The following SGCD variants were observed in gnomAD, a reference collection of about 807,000 sequenced individuals.
SGCD encodes delta-sarcoglycan.
Under a neutral mutation model 36.6 loss-of-function variants are expected in SGCD, and 18 were observed. That is an observed-to-expected ratio of 0.49 (90% CI 0.34 to 0.73). The LOEUF is 0.73. Ranked by LOEUF, SGCD falls within the 30% of genes least tolerant of loss-of-function variation. The pLI is 0.01. For synonymous variants in SGCD, 133 were observed against 130.6 expected (o/e 1.02, Z -0.12); for missense variants, 387 against 346.7 (o/e 1.12, Z -0.92).
At chr5:156,579,385 TC>T (rs1408964617) in intron 4 of SGCD, among the ~76,000 whole-genome samples, 1 of 152,210 alleles carries the variant, frequency 6.6e-6, no homozygotes, top group Non-Finnish European at 1.5e-5. Context: ...GAATGTATAT[TC>T]TGTTGATTTG....
At chr5:156,405,257 C>T (rs564828140) in intron 3 of SGCD, among the ~76,000 whole-genome samples, 152 of 152,312 alleles carry the variant, frequency 1.0e-3, no homozygotes, top group Admixed American at 2.1e-3. Context: ...AATTCTCTGT[C>T]TGGGCTTCTG....
chr5:155,780,106 AT>A, the SGCD span, among the ~76,000 whole-genome samples: 1 of 151,244 alleles, frequency 6.6e-6, no homozygotes, highest in Non-Finnish European at 1.5e-5. Context: ...TGATACGTCC[AT>A]TTTTTTTTCT....
chr5:156,241,251 CGTGTGTGTGT>C (rs60843726), intron 3 of SGCD, among the ~76,000 whole-genome samples: 18 of 145,180 alleles, frequency 1.2e-4, no homozygotes, highest in South Asian at 6.7e-4. Context: ...TAGACCAAAA[CGTGTGTGTGT>C]GTGTGTGTGT....
chr5:155,897,191 C>A (rs1015507433), intron 1 of SGCD, among the ~76,000 whole-genome samples: 37 of 152,206 alleles, frequency 2.4e-4, no homozygotes, highest in African/African-American at 8.9e-4. Flanking sequence ...TGCTTCCAGG[C>A]TGCAAACCTG....
At chr5:156,730,944 G>A (rs1217330339) in intron 7 of SGCD, among the ~76,000 whole-genome samples, 5 of 151,934 alleles carry the variant, frequency 3.3e-5, no homozygotes, top group Non-Finnish European at 5.9e-5. Context: ...TAGCCATTCC[G>A]ACTGGTGTGA....
chr5:156,623,886 G>A (rs140123777), intron 6 of SGCD, among the ~76,000 whole-genome samples: 1 of 152,306 alleles, frequency 6.6e-6, no homozygotes, highest in East Asian at 1.9e-4. Flanking sequence ...TCAACTGTAT[G>A]TTTAATGAGG....
chr5:156,197,404 A>G (rs765872294), intron 3 of SGCD, among the ~76,000 whole-genome samples: 2 of 151,802 alleles, frequency 1.3e-5, no homozygotes, highest in Non-Finnish European at 1.5e-5. Context: ...TTTAAAAAGC[A>G]TATGTTGAAT....
chr5:155,965,256 A>T lies in SGCD; in HGVS notation c.-282+94832A>T, dbSNP rs138120691. On this transcript the variant is annotated intron_variant, in intron 1 of 9. Transcript: ENST00000517913. ...CTTAAGTAGATATCCATGGCAAATG[A>T]TGCTGCCATCAACCATACGTCTTAA... Among the ~76,000 whole-genome samples, 13 of 152,214 alleles carry T rather than the reference A, an allele frequency of 8.5e-5. No homozygotes were observed. In the East Asian group the frequency reaches 2.5e-3, roughly 29 times the overall value.
At chr5:156,273,549 T>C (rs1457094657) in intron 3 of SGCD, among the ~76,000 whole-genome samples, 1 of 152,240 alleles carries the variant, frequency 6.6e-6, no homozygotes, top group Admixed American at 6.5e-5. Flanking sequence ...ATGGGCTCTT[T>C]CCATTTTACT....
intron 7 of SGCD, among the ~76,000 whole-genome samples, chr5:156,752,636 C>T (rs1327666773): frequency 1.3e-5 from 2 of 152,200 alleles, no homozygotes; most frequent in African/African-American, 4.8e-5. Context: ...TCAGGTGATC[C>T]ACCCGCCTTG....
At chr5:156,602,130 G>T (rs1761220526) in intron 6 of SGCD, among the ~76,000 whole-genome samples, 1 of 151,870 alleles carries the variant, frequency 6.6e-6, no homozygotes, top group Non-Finnish European at 1.5e-5. Flanking sequence ...TTTCATCAAT[G>T]TTGTATAGTT....
chr5:155,876,324 G>A (rs1755767586), intron 1 of SGCD, among the ~76,000 whole-genome samples: 1 of 150,394 alleles, frequency 6.6e-6, no homozygotes, highest in Non-Finnish European at 1.5e-5. Context: ...ACCTATATTT[G>A]AAATAACATC....
intron 1 of SGCD, among the ~76,000 whole-genome samples, chr5:155,901,086 G>A (rs540302951): frequency 6.6e-6 from 1 of 152,196 alleles, no homozygotes; most frequent in East Asian, 1.9e-4. Flanking sequence ...CCAGACAGCA[G>A]GATTGCTTGA....
intron 3 of SGCD, among the ~76,000 whole-genome samples, chr5:156,392,032 T>C (rs1192760626): frequency 6.6e-6 from 1 of 152,238 alleles, no homozygotes; most frequent in African/African-American, 2.4e-5. Context: ...ACTACGTATA[T>C]TGAATGTATT....
intron 2 of SGCD, among the ~76,000 whole-genome samples, chr5:156,336,729 A>G (rs1314334829): frequency 1.3e-5 from 2 of 152,232 alleles, no homozygotes; most frequent in Non-Finnish European, 2.9e-5. Context: ...AGCTGATAAC[A>G]CTGGTTGCCT....
At chr5:156,400,676 A>G (rs1257764198) in intron 3 of SGCD, among the ~76,000 whole-genome samples, 2 of 152,206 alleles carry the variant, frequency 1.3e-5, no homozygotes, top group African/African-American at 2.4e-5. Flanking sequence ...AGCAATTCTT[A>G]TGCTTTGTAT....
At position 156,724,593 on chromosome 5, in the gene SGCD, C is replaced by T. The variant is rs866951576; in HGVS notation, c.576-32988C>T. 2.7e-5 allele frequency among the ~76,000 whole-genome samples: 4 copies of T among 150,716 alleles called. 1 individual carries two copies. The highest frequency in any genetic ancestry group is 4.2e-4 in the South Asian group (2 of 4,772). ...CTGCACTCCAGCCTGGGTGACAGAG[C>T]GAGACTCCATCTCCAAAAAAAAAAA... is the stretch of plus-strand genomic sequence containing the variant. On this transcript the variant is annotated intron_variant, in intron 7 of 8. Transcript: ENST00000337851.
At chr5:156,337,396 T>A (rs1421096719) in intron 2 of SGCD, among the ~76,000 whole-genome samples, 1 of 152,234 alleles carries the variant, frequency 6.6e-6, no homozygotes, top group Non-Finnish European at 1.5e-5. Context: ...AATGTAGCCA[T>A]CAGTCTTGCT....
chr5:156,537,494 CACACACACACACAG>C (rs1758168562), intron 4 of SGCD, among the ~76,000 whole-genome samples: 1 of 149,856 alleles, frequency 6.7e-6, no homozygotes, highest in African/African-American at 2.5e-5. Flanking sequence ...CACACACACA[CACACACACACACAG>C]GTATATATAT....
Sources: allele counts gnomAD v4.1 joint callset (sites outside exome capture counted in the v4.1 genomes callset), GRCh38; gene constraint gnomAD v4.1.1; transcripts MANE v1.5; gene names NCBI Gene and HGNC (gene_info 2026-07-23, HGNC 2026-07-21).